Variants in KCNH6 observed in about 807,000 individuals in gnomAD.
KCNH6 encodes the protein voltage-gated inwardly rectifying potassium channel KCNH6.
Under a neutral mutation model 83.4 loss-of-function variants are expected in KCNH6, and 81 were observed. The observed-to-expected ratio is 0.97, with a 90% CI of 0.81 to 1.17. The LOEUF (loss-of-function observed/expected upper bound fraction) is 1.17, where lower values mean the gene tolerates loss of function less well. Among genes scored for constraint, KCNH6 ranks in the 50% most tolerant of loss-of-function variants. KCNH6 has a pLI of 0.00. For missense variants in KCNH6, 1,203 were observed against 1,290.5 expected (o/e 0.93, Z 1.04); for synonymous variants, 503 against 545.6 (o/e 0.92, Z 1.09).
intron 2 of KCNH6, among the ~76,000 whole-genome samples, chr17:63,526,775 A>G (rs1297825917): frequency 2.0e-5 from 3 of 152,012 alleles, no homozygotes; most frequent in African/African-American, 4.8e-5. Context: ...TCCACTGAAA[A>G]TTCTCGAAGT....
rs148507907 is a variant in KCNH6 at position 63,536,405 on chromosome 17, C to T, written c.1501+337C>T. ...AGGCTGTAATCCCAGCACTCCAGGA[C>T]ACCAAGGTGGGTGGGTCACCCGAGG... On this transcript the variant is annotated intron_variant, in intron 6 of 12. Coordinates refer to ENST00000314672, the MANE Select transcript of KCNH6 (RefSeq NM_001278919.2). 9.7e-3 allele frequency among the ~76,000 whole-genome samples: 1,472 copies of T among 152,256 alleles called. 19 individuals carry two copies. Among genetic ancestry groups the T allele is most frequent in the African/African-American group, 0.033 (1,368 of 41,552 alleles).
chr17:63,538,300 G>GC lies in KCNH6; in HGVS notation c.1701+36_1701+37insC, dbSNP rs35543459. ...CCGCTCCGGCTAATGCCCCGGGCGT[G>GC]GGGGGGAGCCAAGATCCTGCGGGGG... On this transcript the variant is annotated intron_variant, in intron 7 of 12. Coordinates refer to ENST00000314672, the MANE Select transcript of KCNH6 (RefSeq NM_001278919.2). This position sits in a 1 kb window ranked among gnomAD's most constrained non-coding sequence, Gnocchi z 4.0. 1.3e-5 allele frequency: 19 copies of GC among 1,485,978 alleles called. No individual in the cohort carries two copies. The East Asian group carries it at 3.8e-4, about 30-fold the overall frequency. The allele number at this position is 1,485,978 out of a possible 1,614,324, so 92.0% of individuals were successfully genotyped here.
intron 4 of KCNH6, among the ~76,000 whole-genome samples, chr17:63,532,280 A>G (rs1482653678): frequency 6.6e-6 from 1 of 152,194 alleles, no homozygotes; most frequent in Non-Finnish European, 1.5e-5. Context: ...AGCAGCCCTC[A>G]GGAGGAGGAG....
Position 63,545,936 on chromosome 17 carries a change from G to C in KCNH6, c.*34G>C. ...ATAAAGACACCATGAGGGGACTGAA[G>C]GTGGGCAAGGTGAGAGTTAAGGATC... On this transcript the variant is annotated 3_prime_UTR_variant, in exon 13 of 13. Coordinates refer to ENST00000314672, the MANE Select transcript of KCNH6 (RefSeq NM_001278919.2). 1.3e-6 allele frequency: 2 copies of C among 1,597,534 alleles called. No individual in the cohort carries two copies. Among genetic ancestry groups the C allele is most frequent in the East Asian group, 2.2e-5 (1 of 44,718 alleles).
At chr17:63,529,993 C>A (rs1360574873) in intron 2 of KCNH6, 98 bp from the exon 3 acceptor site, 2 of 1,329,504 alleles carry the variant, frequency 1.5e-6, no homozygotes, top group East Asian at 2.3e-5. Context: ...CCGTGGCTGC[C>A]CTTCACTTGA....
chr17:63,532,909 A>G (rs1260835168), intron 4 of KCNH6, among the ~76,000 whole-genome samples: 1 of 152,030 alleles, frequency 6.6e-6, no homozygotes, highest in African/African-American at 2.4e-5. Context: ...GATGGATCTC[A>G]CTAACTACAT....
chr17:63,544,238 C>T lies in KCNH6; in HGVS notation c.2234-11C>T, dbSNP rs368378452. The T allele has an allele frequency of 2.5e-6, 4 of 1,583,338 alleles. No homozygotes were observed. The African/African-American group carries it at 4.0e-5, about 16-fold the overall frequency. On this transcript the variant is annotated splice_polypyrimidine_tract_variant and intron_variant, in intron 10 of 12. Coordinates refer to ENST00000314672, the MANE Select transcript of KCNH6 (RefSeq NM_001278919.2). ...CTAGGCCCAGCTGAGACTTCCCTTTCCCTCCTGCAGATGCAGCCCCTCCCC... is the reference window on the plus strand; with the variant it reads ...CTAGGCCCAGCTGAGACTTCCCTTTTCCTCCTGCAGATGCAGCCCCTCCCC...
chr17:63,535,996 G>T lies in KCNH6; in HGVS notation c.1429G>T (p.Val477Leu). The T allele has an allele frequency of 6.2e-7, 1 of 1,613,858 alleles. No individual in the cohort carries two copies. The highest frequency in any genetic ancestry group is 1.3e-5 in the African/African-American group (1 of 75,054). ...CTTCACCTTCAGCAGCCTCACCAGC[G>T]TGGGCTTCGGCAATGTCTCGCCCAA... Reference protein sequence around the residue: ...LYFTFSSLTSVGFGNVSPNTN... With the variant: ...LYFTFSSLTSLGFGNVSPNTN... The change falls in exon 6 of 13, where the codon GTG becomes TTG. Residue 477 changes from valine to leucine, a missense_variant. Coordinates refer to ENST00000314672, the MANE Select transcript of KCNH6 (RefSeq NM_001278919.2). This position sits in a 1 kb window ranked among gnomAD's most constrained non-coding sequence, Gnocchi z 4.9.
Position 63,538,692 on chromosome 17 carries a change from G to C in KCNH6, c.1954+30G>C, listed in dbSNP as rs1598003170. ...GTCCGGCGGAGTGGACCAGGCCTGT[G>C]TTGGGGATTGGATGGAAGAGGGCGG... On this transcript the variant is annotated intron_variant, in intron 8 of 12. Transcript: ENST00000314672. This position sits in a 1 kb window ranked among gnomAD's most constrained non-coding sequence, Gnocchi z 4.0. The C allele has an allele frequency of 1.9e-6, 3 of 1,539,858 alleles. No individual in the cohort carries two copies. The East Asian group carries it at 6.8e-5, about 35-fold the overall frequency.
rs1278938550 is a variant in KCNH6, at chr17:63,534,056, C to T, written c.846C>T (p.Leu282=). 6.2e-7 allele frequency: 1 copy of T among 1,614,194 alleles called. No homozygotes were observed. The highest frequency in any genetic ancestry group is 1.1e-5 in the South Asian group (1 of 91,086). Residue 282 remains leucine, a synonymous_variant, in exon 5 of 13, where the codon CTC becomes CTT. Coordinates refer to ENST00000314672, the MANE Select transcript of KCNH6 (RefSeq NM_001278919.2). This position sits in a 1 kb window ranked among gnomAD's most constrained non-coding sequence, Gnocchi z 5.0. Reference sequence around the variant, plus strand: ...CGCCCTACTCAGCCGCCTTCCTGCTCAGCGATCAGGACGAATCACGGCGTG... The same window carrying T: ...CGCCCTACTCAGCCGCCTTCCTGCTTAGCGATCAGGACGAATCACGGCGTG... The part of the protein sequence containing the change: ...VFTPYSAAFL[L]SDQDESRRGA...
chr17:63,545,103 C>T lies in KCNH6; in HGVS notation c.2422C>T (p.Leu808Phe). Reference protein sequence around the residue: ...NRLESRVSSDLSRILQLLQKP... With the variant: ...NRLESRVSSDFSRILQLLQKP... ...GCTGGAGTCCCGCGTGTCCTCAGACCTCAGCCGCATCTTGCAGCTCCTCCA... is the reference window on the plus strand; with the variant it reads ...GCTGGAGTCCCGCGTGTCCTCAGACTTCAGCCGCATCTTGCAGCTCCTCCA... Residue 808 changes from leucine to phenylalanine, a missense_variant, in exon 12 of 13, where the codon CTC (leucine) becomes TTC (phenylalanine). Physicochemically the swap from Leu to Phe is conservative, Grantham distance 22. Coordinates refer to ENST00000314672, the MANE Select transcript of KCNH6 (RefSeq NM_001278919.2). 1.9e-6 allele frequency: 3 copies of T among 1,613,564 alleles called. No individual in the cohort carries two copies. Among genetic ancestry groups the T allele is most frequent in the Non-Finnish European group, 2.5e-6 (3 of 1,180,018 alleles).
rs760612521 is a variant in KCNH6, at chr17:63,544,021, A to AC, written c.2234-228_2234-227insC. 1.4e-4 allele frequency: 219 copies of AC among 1,551,974 alleles called. No homozygotes were observed. In the African/African-American group the frequency reaches 2.7e-3, roughly 19 times the overall value. The stretch of plus-strand genomic sequence containing the variant: ...GTCCTCACCCTGCCAGGGTCTCCCC[A>AC]TGAGCTGGGGCCCCAGTTCCCCTCT... On this transcript the variant is annotated intron_variant, in intron 10 of 12. Transcript: ENST00000314672.
Position 63,545,915 on chromosome 17 carries a change from AG to A in KCNH6, c.*14del. 6.2e-7 allele frequency: 1 copy of A among 1,612,178 alleles called. No individual in the cohort carries two copies. The highest frequency in any genetic ancestry group is 8.5e-7 in the Non-Finnish European group (1 of 1,179,046). ...TTGGGGCCACTGAACTCCAAGATAAAGACACCATGAGGGGACTGAAGGTGGG... is the reference window on the plus strand; with the variant it reads ...TTGGGGCCACTGAACTCCAAGATAAAACACCATGAGGGGACTGAAGGTGGG... On this transcript the variant is annotated 3_prime_UTR_variant, in exon 13 of 13. Coordinates refer to ENST00000314672, the MANE Select transcript of KCNH6 (RefSeq NM_001278919.2).
At chr17:63,530,014 G>A in intron 2 of KCNH6, 77 bp from the exon 3 acceptor site, 1 of 1,508,298 alleles carries the variant, frequency 6.6e-7, no homozygotes, top group Non-Finnish European at 9.0e-7. Flanking sequence ...CCTTCACTCA[G>A]CCCCTTCCCT....
chr17:63,527,055 G>A (rs972577265), intron 2 of KCNH6, among the ~76,000 whole-genome samples: 5 of 152,116 alleles, frequency 3.3e-5, no homozygotes, highest in South Asian at 2.1e-4. Context: ...CGCCTGCCCC[G>A]CACTGGCACC....
Position 63,538,044 on chromosome 17 carries a change from C to T in KCNH6, c.1502-21C>T, listed in dbSNP as rs911705558. ...GGCCCAGTGGGGCCGCGGAGGAGCT[C>T]ACTCTCCGCCCCGCCCCCAGCCCTG... On this transcript the variant is annotated intron_variant, in intron 6 of 12. Coordinates refer to ENST00000314672, the MANE Select transcript of KCNH6 (RefSeq NM_001278919.2). The surrounding 1 kb of genome is among the most constrained non-coding windows in gnomAD (Gnocchi z 4.0). 5 of 1,608,358 alleles carry T rather than the reference C, an allele frequency of 3.1e-6. No individual in the cohort carries two copies. The highest frequency in any genetic ancestry group is 1.3e-5 in the African/African-American group (1 of 74,792).
chr17:63,545,925 AG>A lies in KCNH6; in HGVS notation c.*27del. The A allele has an allele frequency of 6.2e-7, 1 of 1,606,770 alleles. No homozygotes were observed. Among genetic ancestry groups the A allele is most frequent in the South Asian group, 1.1e-5 (1 of 90,708 alleles). ...TGAACTCCAAGATAAAGACACCATGAGGGGACTGAAGGTGGGCAAGGTGAGA... is the reference window on the plus strand; with the variant it reads ...TGAACTCCAAGATAAAGACACCATGAGGGACTGAAGGTGGGCAAGGTGAGA... On this transcript the variant is annotated 3_prime_UTR_variant, in exon 13 of 13. Coordinates refer to ENST00000314672, the MANE Select transcript of KCNH6 (RefSeq NM_001278919.2).
rs1485087145 is a variant in KCNH6, at chr17:63,535,800, A to T, written c.1233A>T (p.Ile411=). The T allele has an allele frequency of 6.2e-7, 1 of 1,614,254 alleles. No homozygotes were observed. Among genetic ancestry groups the T allele is most frequent in the South Asian group, 1.1e-5 (1 of 91,092 alleles). Residue 411 remains isoleucine, a synonymous_variant, in exon 6 of 13, where the codon ATA becomes ATT. Transcript: ENST00000314672. The surrounding 1 kb of genome is among the most constrained non-coding windows in gnomAD (Gnocchi z 4.9). The part of the protein sequence containing the change: ...LFLLMCTFAL[I]AHWLACIWYA... The stretch of plus-strand genomic sequence containing the variant: ...TGCTCATGTGCACCTTCGCGCTCAT[A>T]GCGCACTGGCTGGCCTGCATCTGGT...
intron 6 of KCNH6, among the ~76,000 whole-genome samples, chr17:63,537,566 C>G (rs970595715): frequency 6.6e-6 from 1 of 152,054 alleles, no homozygotes; most frequent in Non-Finnish European, 1.5e-5. Context: ...TCCCGAGTAG[C>G]TGGGATTACA....
Sources: allele counts gnomAD v4.1 joint callset (sites outside exome capture counted in the v4.1 genomes callset), GRCh38; gene constraint gnomAD v4.1.1; non-coding constraint Gnocchi (gnomAD v3.1); transcripts MANE v1.5; gene names NCBI Gene and HGNC (gene_info 2026-07-23, HGNC 2026-07-21).